The following PARVA variants were observed in gnomAD, a reference collection of about 807,000 sequenced individuals.
The protein encoded by PARVA is parvin alpha, also known as alpha-parvin.
In PARVA, 25 loss-of-function variants were observed where a neutral mutation model predicts 52.6. The observed-to-expected ratio is 0.48, with a 90% CI of 0.35 to 0.66. PARVA has a LOEUF of 0.66. Ranked by LOEUF, PARVA falls within the 30% of genes least tolerant of loss-of-function variation. The pLI is 0.01. For missense variants in PARVA, 373 were observed against 450.9 expected (o/e 0.83, Z 1.56); for synonymous variants, 185 against 179.1 (o/e 1.03, Z -0.26).
At chr11:12,523,202 T>C (rs1033130457) in intron 12 of PARVA, among the ~76,000 whole-genome samples, 1 of 152,198 alleles carries the variant, frequency 6.6e-6, no homozygotes, top group Non-Finnish European at 1.5e-5. Context: ...AAGGAGCATC[T>C]GTACAGCATG....
intron 12 of PARVA, 110 bp from the exon 13 acceptor site, chr11:12,527,739 C>A: frequency 2.4e-6 from 2 of 834,494 alleles, no homozygotes; most frequent in Non-Finnish European, 4.2e-6. Context: ...CTGCCCCGAA[C>A]ATGCTGGGTA....
At chr11:12,527,516 C>T (rs1941719269) in intron 12 of PARVA, among the ~76,000 whole-genome samples, 3 of 152,166 alleles carry the variant, frequency 2.0e-5, no homozygotes, top group South Asian at 2.1e-4. Flanking sequence ...TCCTAATGCA[C>T]CCCCTGGTCT....
chr11:12,501,784 G>C (rs1290180862), intron 5 of PARVA, among the ~76,000 whole-genome samples: 2 of 152,188 alleles, frequency 1.3e-5, no homozygotes, highest in African/African-American at 2.4e-5. Context: ...CAGGAGGATA[G>C]AGCATTCATT....
intron 1 of PARVA, among the ~76,000 whole-genome samples, chr11:12,386,509 TACTCTGTGCTAG>T (rs2092981998): frequency 1.3e-5 from 2 of 152,240 alleles, no homozygotes; most frequent in South Asian, 4.1e-4. Context: ...GCCTTGTCTA[TACTCTGTGCTAG>T]CACTGGTCAT....
chr11:12,478,657 C>T (rs1316983862), intron 4 of PARVA: 1 of 158,022 alleles, frequency 6.3e-6, no homozygotes, highest in East Asian at 1.8e-4. Context: ...TTCATCCCCT[C>T]TGAGTTCATA....
intron 1 of PARVA, among the ~76,000 whole-genome samples, chr11:12,416,815 C>A (rs538024608): frequency 2.6e-5 from 4 of 151,302 alleles, no homozygotes; most frequent in Non-Finnish European, 5.9e-5. Context: ...GGGGAGGGCA[C>A]GAGGGCAGAG....
chr11:12,521,045 A>G (rs1248070632), intron 12 of PARVA, among the ~76,000 whole-genome samples: 1 of 152,228 alleles, frequency 6.6e-6, no homozygotes, highest in African/African-American at 2.4e-5. Flanking sequence ...CCCTGTTATC[A>G]CCTTTCAAGT....
At chr11:12,383,515 C>G (rs1326299473) in intron 1 of PARVA, among the ~76,000 whole-genome samples, 2 of 152,144 alleles carry the variant, frequency 1.3e-5, no homozygotes, top group Non-Finnish European at 2.9e-5. Context: ...TAGTTCTTAC[C>G]ACTTGATTCT....
rs1189569152 is a variant in PARVA at position 12,528,016 on chromosome 11, C to G, written c.*91C>G. ...ACTGCCTTACCCTGCTTATTCCTGT[C>G]TCTTGCACTGTGCTCTCCCACAAGT... On this transcript the variant is annotated 3_prime_UTR_variant, in exon 13 of 13. Coordinates refer to ENST00000334956, the MANE Select transcript of PARVA (RefSeq NM_018222.5). 1.1e-6 allele frequency: 1 copy of G among 885,042 alleles called. No homozygotes were observed. The allele number at this position is 885,042 out of a possible 1,614,324, so 54.8% of individuals were successfully genotyped here.
At chr11:12,391,351 TGTC>T (rs1371760841) in intron 1 of PARVA, among the ~76,000 whole-genome samples, 2 of 152,196 alleles carry the variant, frequency 1.3e-5, no homozygotes, top group Admixed American at 6.5e-5. Context: ...AGATGGCAAT[TGTC>T]GTTCAGTTTG....
At chr11:12,473,612 G>A (rs979267264) in intron 1 of PARVA, 133 bp from the exon 2 acceptor site, 8 of 682,888 alleles carry the variant, frequency 1.2e-5, no homozygotes, top group Admixed American at 2.3e-5. Context: ...ATTGATCGTA[G>A]GCTGAGTAAC....
rs1198527108 is a variant in PARVA, at chr11:12,473,738, C to T, written c.137-7C>T. On this transcript the variant is annotated splice_polypyrimidine_tract_variant and splice_region_variant and intron_variant, in intron 1 of 12. Transcript: ENST00000334956. ...GAAATGTGACCCTGCTCTTCCTTTT[C>T]TTCCAGTGTCCGAGCTGCAGGAGGA... 6.4e-7 allele frequency: 1 copy of T among 1,555,476 alleles called. No individual in the cohort carries two copies. The highest frequency in any genetic ancestry group is 8.7e-7 in the Non-Finnish European group (1 of 1,148,358).
intron 12 of PARVA, among the ~76,000 whole-genome samples, chr11:12,527,171 T>C (rs1315270864): frequency 2.6e-5 from 4 of 152,210 alleles, no homozygotes; most frequent in Non-Finnish European, 4.4e-5. Flanking sequence ...TGGAATTCTT[T>C]GCCCACTTCT....
chr11:12,384,663 A>G (rs1364469398), intron 1 of PARVA, among the ~76,000 whole-genome samples: 1 of 152,210 alleles, frequency 6.6e-6, no homozygotes, highest in Non-Finnish European at 1.5e-5. Flanking sequence ...AGAGAACCAT[A>G]TGTATATCTT....
intron 1 of PARVA, among the ~76,000 whole-genome samples, chr11:12,399,873 T>G (rs1939801609): frequency 6.6e-6 from 1 of 152,230 alleles, no homozygotes; most frequent in South Asian, 2.1e-4. Flanking sequence ...AGTTATTTGC[T>G]GTCATAAAAA....
intron 4 of PARVA, among the ~76,000 whole-genome samples, chr11:12,495,202 A>G (rs1243951607): frequency 6.6e-6 from 1 of 152,194 alleles, no homozygotes; most frequent in African/African-American, 2.4e-5. Flanking sequence ...ACAACTAAAG[A>G]GAACATTTCA....
chr11:12,480,958 C>T (rs893287925), intron 4 of PARVA: 3 of 152,082 alleles, frequency 2.0e-5, no homozygotes, highest in African/African-American at 7.2e-5. Flanking sequence ...GCACTCTGAC[C>T]TTACGTTCCC....
At chr11:12,377,550 C>G, upstream of PARVA, 2 of 1,475,952 alleles carry the variant, frequency 1.4e-6, no homozygotes, top group East Asian at 2.9e-5. Flanking sequence ...ATTCCGCTTC[C>G]GTTTGGAAAG....
chr11:12,473,422 G>A (rs1940960028), intron 1 of PARVA, among the ~76,000 whole-genome samples: 1 of 152,168 alleles, frequency 6.6e-6, no homozygotes, highest in African/African-American at 2.4e-5. Flanking sequence ...AGGAGGTAGA[G>A]ACTCAGAAAG....
Sources: gnomAD v4.1 joint callset for allele counts (sites outside exome capture counted in the v4.1 genomes callset) on GRCh38, gnomAD v4.1.1 for gene constraint, MANE v1.5 for transcripts, NCBI Gene and HGNC (gene_info 2026-07-23, HGNC 2026-07-21) for gene names.